OSBPL3: variants seen among roughly 807,000 people sequenced by gnomAD.
OSBPL3 encodes the protein oxysterol-binding protein-related protein 3.
In OSBPL3, 65 loss-of-function variants were observed where a neutral mutation model predicts 120.1. The ratio of observed to expected loss-of-function variants is 0.54; its 90% confidence interval spans 0.44 to 0.67. The LOEUF is 0.67. OSBPL3 is among the 30% of genes least tolerant of loss of function. The pLI, the probability that OSBPL3 is intolerant of heterozygous loss-of-function variation, is 0.00. For synonymous variants in OSBPL3, 416 were observed against 402.6 expected, an observed-to-expected ratio of 1.03 and a Z score of -0.40; for missense variants, 1,004 against 1,082.1, an observed-to-expected ratio of 0.93 and a Z score of 1.01.
chr7:24,923,437 G>C (rs935252639), intron 1 of OSBPL3, among the ~76,000 whole-genome samples: 1 of 152,178 alleles, frequency 6.6e-6, no homozygotes, highest in Non-Finnish European at 1.5e-5. Context: ...GAAGTATTTC[G>C]AAGTTAGACA....
chr7:24,905,091 A>G (rs1807696051), intron 1 of OSBPL3, among the ~76,000 whole-genome samples: 1 of 152,002 alleles, frequency 6.6e-6, no homozygotes, highest in African/African-American at 2.4e-5. Context: ...AGCAGTGGTG[A>G]AAACTAAAGG....
Position 24,979,944 on chromosome 7 carries a change from G to A in OSBPL3, c.-208C>T, listed in dbSNP as rs531103923. ...TCCCCGGGGCCGGGCTCCGGGGTTAGCGCACAGAACCGGGAGAAGGCAACC... is the reference window on the plus strand; with the variant it reads ...TCCCCGGGGCCGGGCTCCGGGGTTAACGCACAGAACCGGGAGAAGGCAACC... On this transcript the variant is annotated 5_prime_UTR_variant, in exon 1 of 23. Coordinates refer to ENST00000313367, the MANE Select transcript of OSBPL3 (RefSeq NM_015550.4). 4 of 978,020 alleles carry A rather than the reference G, an allele frequency of 4.1e-6. No individual in the cohort carries two copies. Among genetic ancestry groups the A allele is most frequent in the Non-Finnish European group, 4.8e-6 (4 of 826,536 alleles). The allele number at this position is 978,020 out of a possible 1,614,324, so 60.6% of individuals were successfully genotyped here.
intron 16 of OSBPL3, among the ~76,000 whole-genome samples, chr7:24,823,996 T>C (rs1375166192): frequency 1.3e-5 from 2 of 152,226 alleles, no homozygotes; most frequent in Non-Finnish European, 2.9e-5. Flanking sequence ...AATGCATTTG[T>C]CTGAATTGAC....
chr7:24,888,601 C>T (rs1337766743), intron 2 of OSBPL3, among the ~76,000 whole-genome samples: 1 of 152,038 alleles, frequency 6.6e-6, no homozygotes, highest in African/African-American at 2.4e-5. Context: ...TTTTCATGGC[C>T]CTAAGTTGTA....
intron 1 of OSBPL3, among the ~76,000 whole-genome samples, chr7:24,978,163 T>C (rs972629589): frequency 3.3e-5 from 5 of 152,218 alleles, no homozygotes; most frequent in African/African-American, 1.2e-4. Flanking sequence ...TGGTTAAAAA[T>C]ACCTAGCTAA....
chr7:24,885,205 G>C (rs1804317903), intron 2 of OSBPL3, among the ~76,000 whole-genome samples: 1 of 146,238 alleles, frequency 6.8e-6, no homozygotes, highest in Non-Finnish European at 1.5e-5. Context: ...CTGGGCAACA[G>C]AGTGAGACTC....
At position 24,899,948 on chromosome 7, in the gene OSBPL3, C is replaced by G. The variant is rs1331907274; in HGVS notation, c.-149-7327G>C. ...GCTTAAAGTTTGAGAACGTAACTGA[C>G]TTAGCCTGTAGCTTTCAACCTTTCT... is the stretch of plus-strand genomic sequence containing the variant. On this transcript the variant is annotated intron_variant, in intron 1 of 22. Transcript: ENST00000313367. The surrounding 1 kb of genome is among the most constrained non-coding windows in gnomAD (Gnocchi z 4.0). Among the ~76,000 whole-genome samples, 1 of 152,218 alleles carries G rather than the reference C, an allele frequency of 6.6e-6. No individual in the cohort carries two copies. Among genetic ancestry groups the G allele is most frequent in the Non-Finnish European group, 1.5e-5 (1 of 68,044 alleles).
intron 16 of OSBPL3, among the ~76,000 whole-genome samples, chr7:24,829,883 C>T (rs1349253186): frequency 6.6e-6 from 1 of 152,136 alleles, no homozygotes; most frequent in South Asian, 2.1e-4. Context: ...TGCTGGCATG[C>T]ATCAATAATG....
chr7:24,854,502 GCACACACACACACACACACACACA>G lies in OSBPL3; in HGVS notation c.1028-1892_1028-1869del, dbSNP rs70942889. On this transcript the variant is annotated intron_variant, in intron 10 of 22. Coordinates refer to ENST00000313367, the MANE Select transcript of OSBPL3 (RefSeq NM_015550.4). The surrounding 1 kb of genome is among the most constrained non-coding windows in gnomAD (Gnocchi z 4.1). ...CACAACAATTTGTACACACACACAC[GCACACACACACACACACACACACA>G]CACACACACACAAACACACACAATG... 4.6e-5 allele frequency among the ~76,000 whole-genome samples: 6 copies of G among 131,508 alleles called. No individual in the cohort carries two copies. The highest frequency in any genetic ancestry group is 1.7e-4 in the African/African-American group (6 of 35,836). 86.3% of individuals were successfully genotyped at this position (131,508 alleles called of 152,430 possible). A position where few individuals can be genotyped will look rare whatever the true frequency, so the allele number is the denominator to read the frequency against.
Position 24,852,355 on chromosome 7 carries a change from A to G in OSBPL3, c.1158+149T>C. 1 of 598,956 alleles carries G rather than the reference A, an allele frequency of 1.7e-6. No homozygotes were observed. The highest frequency in any genetic ancestry group is 2.6e-6 in the Non-Finnish European group (1 of 386,936). The allele number at this position is 598,956 out of a possible 1,614,324, so 37.1% of individuals were successfully genotyped here. A position where few individuals can be genotyped will look rare whatever the true frequency, so the allele number is the denominator to read the frequency against. Reference sequence around the variant, plus strand: ...TGGATAGGTAAGTTTTGGTGTTTCAAATAAGCAGATTTGATGAAAGGTTAG... The same window carrying G: ...TGGATAGGTAAGTTTTGGTGTTTCAGATAAGCAGATTTGATGAAAGGTTAG... On this transcript the variant is annotated intron_variant, in intron 11 of 22. Coordinates refer to ENST00000313367, the MANE Select transcript of OSBPL3 (RefSeq NM_015550.4). The surrounding 1 kb of genome is among the most constrained non-coding windows in gnomAD (Gnocchi z 4.1).
intron 1 of OSBPL3, among the ~76,000 whole-genome samples, chr7:24,905,176 G>C (rs1251770532): frequency 1.3e-5 from 2 of 151,854 alleles, no homozygotes; most frequent in African/African-American, 4.8e-5. Context: ...TCTTCACAAA[G>C]CATCGGGGGT....
intron 1 of OSBPL3, among the ~76,000 whole-genome samples, chr7:24,969,880 C>T (rs1816801695): frequency 6.6e-6 from 1 of 152,172 alleles, no homozygotes; most frequent in Admixed American, 6.5e-5. Flanking sequence ...CGTGTCACCT[C>T]CTTGTTCACT....
intron 1 of OSBPL3, among the ~76,000 whole-genome samples, chr7:24,904,834 G>C (rs780120130): frequency 3.0e-4 from 46 of 151,686 alleles, no homozygotes; most frequent in Non-Finnish European, 5.6e-4. Context: ...AATGGTGGCT[G>C]TCAGGGGCTG....
In OSBPL3 at chr7:24,972,977, G is replaced by A. The variant is rs771255773; in HGVS notation, c.-150+6909C>T. Reference sequence around the variant, plus strand: ...TTGGAGAAATGTTACATTGAGGAAAGTATCTGACCCACACAATACTAAAAA... The same window carrying A: ...TTGGAGAAATGTTACATTGAGGAAAATATCTGACCCACACAATACTAAAAA... On this transcript the variant is annotated intron_variant, in intron 1 of 22. Transcript: ENST00000313367. The surrounding 1 kb of genome is among the most constrained non-coding windows in gnomAD (Gnocchi z 4.3). 9.6e-4 allele frequency among the ~76,000 whole-genome samples: 146 copies of A among 152,242 alleles called. 2 individuals are homozygous for A. Among genetic ancestry groups the A allele is most frequent in the South Asian group, 1.2e-3 (6 of 4,822 alleles).
intron 2 of OSBPL3, among the ~76,000 whole-genome samples, chr7:24,885,606 T>C (rs1007144924): frequency 6.6e-6 from 1 of 152,258 alleles, no homozygotes; most frequent in Non-Finnish European, 1.5e-5. Context: ...TCAATTATTT[T>C]GACAGGATTT....
intron 2 of OSBPL3, among the ~76,000 whole-genome samples, chr7:24,884,027 T>C (rs1562880670): frequency 6.6e-6 from 1 of 152,046 alleles, no homozygotes; most frequent in Non-Finnish European, 1.5e-5. Context: ...AAGAACTATA[T>C]AGTTAATTAT....
In OSBPL3 at chr7:24,871,744, C is replaced by T. The variant is rs1265900089; in HGVS notation, c.265G>A (p.Asp89Asn). The T allele has an allele frequency of 1.9e-6, 3 of 1,611,580 alleles. No individual in the cohort carries two copies. The highest frequency in any genetic ancestry group is 1.3e-5 in the African/African-American group (1 of 74,986). Residue 89 changes from aspartate (D) to asparagine (N), a missense_variant and splice_region_variant, in exon 4 of 23, where the codon GAT (aspartate) becomes AAT (asparagine). Asp to Asn is a conservative substitution (Grantham distance 23). This residue lies in a region of OSBPL3 where 255 missense variants were observed against 248.7 expected (regional missense o/e 1.03). Coordinates refer to ENST00000313367, the MANE Select transcript of OSBPL3 (RefSeq NM_015550.4). This position sits in a 1 kb window ranked among gnomAD's most constrained non-coding sequence, Gnocchi z 4.8. Reference protein sequence around the residue: ...GILKYAKSQTDIEREKLHGCI... With the variant: ...GILKYAKSQTNIEREKLHGCI... ...AGTGGGCCCACAAAAAGACTTACAT[C>T]GGTTTGGCTCTTGGCATATTTCAAG...
chr7:24,814,118 C>G (rs1296810709), intron 19 of OSBPL3, among the ~76,000 whole-genome samples: 1 of 151,920 alleles, frequency 6.6e-6, no homozygotes, highest in Non-Finnish European at 1.5e-5. Flanking sequence ...GAAAATGGGA[C>G]AGGATAGGGA....
intron 18 of OSBPL3, among the ~76,000 whole-genome samples, chr7:24,816,171 C>T (rs191606778): frequency 3.3e-5 from 5 of 152,072 alleles, no homozygotes; most frequent in South Asian, 4.1e-4. Context: ...ACTACAGGTG[C>T]GTGCCACCAC....
Sources: gnomAD v4.1 joint callset for allele counts (sites outside exome capture counted in the v4.1 genomes callset) on GRCh38, gnomAD v4.1.1 for gene constraint, gnomAD v4.1.1 regional missense constraint, Gnocchi (gnomAD v3.1) non-coding constraint, MANE v1.5 for transcripts, NCBI Gene and HGNC (gene_info 2026-07-23, HGNC 2026-07-21) for gene names.